Variants in NOVA1 observed in about 807,000 individuals in gnomAD.
The protein encoded by NOVA1 is RNA-binding protein Nova-1.
A neutral mutation model predicts 38.0 loss-of-function variants in NOVA1; 7 were observed. The ratio of observed to expected loss-of-function variants is 0.18; its 90% CI spans 0.10 to 0.35. NOVA1 has a LOEUF of 0.35. Ranked by LOEUF, NOVA1 falls within the 10% of genes least tolerant of loss-of-function variation. The probability of loss-of-function intolerance (pLI) is 1.00; values close to 1 mark genes in which losing one functional copy is unlikely to be tolerated. For missense variants in NOVA1, 460 were observed against 616.0 expected (o/e 0.75, Z 2.68); for synonymous variants, 270 against 232.5 (o/e 1.16, Z -1.47).
At chr14:26,450,723 T>C (rs1882597632) in intron 4 of NOVA1, among the ~76,000 whole-genome samples, 1 of 152,196 alleles carries the variant, frequency 6.6e-6, no homozygotes, top group African/African-American at 2.4e-5. Context: ...AGTTAAACTA[T>C]GATTATATAC....
intron 2 of NOVA1, among the ~76,000 whole-genome samples, chr14:26,511,072 C>T (rs201877784): frequency 1.9e-4 from 5 of 25,870 alleles, no homozygotes; most frequent in African/African-American, 2.8e-4. Context: ...TCCATAAGAA[C>T]GTAGCCCCAT....
chr14:26,529,474 T>A (rs1203933234), intron 2 of NOVA1, among the ~76,000 whole-genome samples: 2 of 152,076 alleles, frequency 1.3e-5, no homozygotes, highest in Non-Finnish European at 2.9e-5. Flanking sequence ...TTACCTGATA[T>A]GGGAAAGGTC....
chr14:26,451,605 T>G (rs1209853147), intron 4 of NOVA1, among the ~76,000 whole-genome samples: 1 of 152,094 alleles, frequency 6.6e-6, no homozygotes, highest in Non-Finnish European at 1.5e-5. Context: ...ACTCCTGACC[T>G]CAGGTGATCC....
intron 2 of NOVA1, among the ~76,000 whole-genome samples, chr14:26,551,328 ATGATATAATACC>A (rs1359924117): frequency 7.2e-5 from 11 of 152,212 alleles, no homozygotes; most frequent in African/African-American, 2.6e-4. Context: ...TACCAGACAC[ATGATATAATACC>A]TGGCCTATTA....
intron 3 of NOVA1, among the ~76,000 whole-genome samples, chr14:26,478,253 C>G (rs1885147847): frequency 6.6e-6 from 1 of 151,744 alleles, no homozygotes; most frequent in Non-Finnish European, 1.5e-5. Context: ...AGAATTTTAA[C>G]AATGATTCAT....
chr14:26,518,581 T>C (rs1304330497), intron 2 of NOVA1, among the ~76,000 whole-genome samples: 1 of 152,072 alleles, frequency 6.6e-6, no homozygotes, highest in Non-Finnish European at 1.5e-5. Context: ...TCAATACATA[T>C]ACACACTATA....
intron 4 of NOVA1, among the ~76,000 whole-genome samples, chr14:26,460,187 T>G (rs565811290): frequency 6.6e-6 from 1 of 152,092 alleles, no homozygotes; most frequent in Non-Finnish European, 1.5e-5. Context: ...AATAAAGATA[T>G]TTCAGTATCT....
chr14:26,484,441 A>C (rs940214230), intron 2 of NOVA1, among the ~76,000 whole-genome samples: 16 of 150,072 alleles, frequency 1.1e-4, no homozygotes, highest in South Asian at 6.3e-4. Context: ...AAAAAAAAAA[A>C]AAAAAAAAAA....
At chr14:26,553,834 C>T (rs1323251815) in intron 2 of NOVA1, among the ~76,000 whole-genome samples, 1 of 151,820 alleles carries the variant, frequency 6.6e-6, no homozygotes, top group Non-Finnish European at 1.5e-5. Flanking sequence ...AGAGCTAGTA[C>T]TCCTCTCCCG....
chr14:26,565,471 T>C (rs1892077535), intron 2 of NOVA1, among the ~76,000 whole-genome samples: 1 of 152,098 alleles, frequency 6.6e-6, no homozygotes, highest in South Asian at 2.1e-4. Context: ...AGTCCACCAC[T>C]CTCTTTCCTT....
At chr14:26,511,928 C>G (rs1194312136) in intron 2 of NOVA1, among the ~76,000 whole-genome samples, 2 of 152,120 alleles carry the variant, frequency 1.3e-5, no homozygotes, top group African/African-American at 4.8e-5. Context: ...TATTGACCCT[C>G]TGAACATTTA....
At chr14:26,578,671 T>G (rs905156457) in intron 2 of NOVA1, among the ~76,000 whole-genome samples, 4 of 152,174 alleles carry the variant, frequency 2.6e-5, no homozygotes, top group African/African-American at 9.6e-5. Context: ...ATGAAAGAGC[T>G]TTCAGAATTG....
intron 4 of NOVA1, among the ~76,000 whole-genome samples, chr14:26,466,031 T>A (rs1232518783): frequency 1.3e-5 from 2 of 151,994 alleles, no homozygotes; most frequent in Non-Finnish European, 2.9e-5. Context: ...GTAAGCCTTA[T>A]GGAGAAGGTG....
chr14:26,557,455 G>A (rs1331141653), intron 2 of NOVA1, among the ~76,000 whole-genome samples: 4 of 152,042 alleles, frequency 2.6e-5, no homozygotes, highest in African/African-American at 9.6e-5. Flanking sequence ...ACATCCTCCC[G>A]GTCACAAGCA....
intron 2 of NOVA1, among the ~76,000 whole-genome samples, chr14:26,480,688 C>A (rs905594060): frequency 6.6e-6 from 1 of 151,606 alleles, no homozygotes; most frequent in Non-Finnish European, 1.5e-5. Flanking sequence ...TACTTTTTCA[C>A]TAGAATATAA....
intron 2 of NOVA1, among the ~76,000 whole-genome samples, chr14:26,591,090 G>A (rs1381715223): frequency 1.3e-5 from 2 of 151,518 alleles, no homozygotes; most frequent in African/African-American, 2.4e-5. Context: ...TACAGATTGC[G>A]CTATGCCAGT....
rs535519384 is a variant in NOVA1 at position 26,564,641 on chromosome 14, C to CA, written c.280+30768dup. The stretch of plus-strand genomic sequence containing the variant: ...ATTTTTATATCAGGAAATTGTAAAA[C>CA]AGAGATCAAGGAACTTGTACAAAAT... On this transcript the variant is annotated intron_variant, in intron 2 of 4. Transcript: ENST00000539517. Among the ~76,000 whole-genome samples the CA allele has an allele frequency of 1.7e-3, 258 of 152,244 alleles. 2 individuals carry two copies. The highest frequency in any genetic ancestry group is 8.5e-3 in the South Asian group (41 of 4,830).
rs1208879432 is a variant in NOVA1, at chr14:26,448,844, C to A, written c.639G>T (p.Gly213=). ...TGACAACCCTCTCTTGCAAGTTGAT[C>A]CCATCAGGTTTCTGGGAAAGCTGCA... is the stretch of plus-strand genomic sequence containing the variant. ...AWVQLSQKPD[G]INLQERVVTV... is the part of the protein sequence containing the mutation. Residue 213 remains glycine (G), a synonymous_variant, in exon 5 of 5, where the codon GGG becomes GGT. Transcript: ENST00000539517. This position sits in a 1 kb window ranked among gnomAD's most constrained non-coding sequence, Gnocchi z 5.3. 1 of 1,614,104 alleles carries A rather than the reference C, an allele frequency of 6.2e-7. No homozygotes were observed. Among genetic ancestry groups the A allele is most frequent in the Admixed American group, 1.7e-5 (1 of 59,984 alleles).
At chr14:26,511,813 G>A (rs899960867) in intron 2 of NOVA1, among the ~76,000 whole-genome samples, 5 of 152,076 alleles carry the variant, frequency 3.3e-5, no homozygotes, top group African/African-American at 9.6e-5. Context: ...GCAGGGAGAC[G>A]AAGAGTGGGA....
Sources: allele counts gnomAD v4.1 joint callset (sites outside exome capture counted in the v4.1 genomes callset), GRCh38; gene constraint gnomAD v4.1.1; non-coding constraint Gnocchi (gnomAD v3.1); transcripts MANE v1.5; gene names NCBI Gene and HGNC (gene_info 2026-07-23, HGNC 2026-07-21).